SLC23A2: variants seen among roughly 807,000 people sequenced by gnomAD.
The protein encoded by SLC23A2 is Na(+)/L-ascorbic acid transporter 2.
In SLC23A2, 36 loss-of-function variants were observed where a neutral mutation model predicts 73.3. The observed-to-expected ratio is 0.49, with a 90% CI of 0.38 to 0.65. SLC23A2 has a LOEUF of 0.65. SLC23A2 is among the 30% of genes least tolerant of loss of function. The probability of loss-of-function intolerance (pLI) is 0.00; values close to 1 mark genes in which losing one functional copy is unlikely to be tolerated. For missense variants in SLC23A2, 507 were observed against 841.6 expected, an observed-to-expected ratio of 0.60 and a Z score of 4.92; for synonymous variants, 343 against 327.3, an observed-to-expected ratio of 1.05 and a Z score of -0.52.
At chr20:4,895,982 G>C (rs1475389932) in intron 6 of SLC23A2, among the ~76,000 whole-genome samples, 1 of 152,206 alleles carries the variant, frequency 6.6e-6, no homozygotes, top group East Asian at 1.9e-4. Flanking sequence ...CCTGAGGCAA[G>C]GCTGTGAGAG....
intron 1 of SLC23A2, among the ~76,000 whole-genome samples, chr20:4,971,974 C>G (rs1217901606): frequency 6.6e-6 from 1 of 152,198 alleles, no homozygotes; most frequent in African/African-American, 2.4e-5. Context: ...CGGTCACATT[C>G]TGTTTCTCAA....
chr20:4,985,470 C>A (rs2087809229), intron 1 of SLC23A2, among the ~76,000 whole-genome samples: 1 of 147,870 alleles, frequency 6.8e-6, no homozygotes, highest in Admixed American at 6.8e-5. Context: ...TTTTTTGAGA[C>A]AGGGTCTCGC....
At chr20:4,912,414 T>C (rs1932188469) in intron 4 of SLC23A2, among the ~76,000 whole-genome samples, 1 of 152,122 alleles carries the variant, frequency 6.6e-6, no homozygotes, top group Non-Finnish European at 1.5e-5. Flanking sequence ...ACAGGCACGA[T>C]GCTAATAACT....
chr20:4,997,328 T>C (rs1278190837), intron 1 of SLC23A2, among the ~76,000 whole-genome samples: 1 of 152,140 alleles, frequency 6.6e-6, no homozygotes, highest in Non-Finnish European at 1.5e-5. Context: ...CTGACCCCCA[T>C]GGTTTCTCTG....
chr20:4,888,553 AG>A (rs1931194160), intron 6 of SLC23A2, among the ~76,000 whole-genome samples: 1 of 152,202 alleles, frequency 6.6e-6, no homozygotes, highest in African/African-American at 2.4e-5. Context: ...TCAGGACAGC[AG>A]GAGAACCTAA....
intron 1 of SLC23A2, among the ~76,000 whole-genome samples, chr20:4,990,985 A>AC (rs1303297598): frequency 1.3e-4 from 19 of 151,810 alleles, no homozygotes; most frequent in Non-Finnish European, 2.4e-4. Flanking sequence ...AAAAAAAAAA[A>AC]AAAAAACAAC....
intron 2 of SLC23A2, among the ~76,000 whole-genome samples, chr20:4,961,253 T>C (rs909520628): frequency 1.3e-5 from 2 of 152,106 alleles, no homozygotes; most frequent in African/African-American, 4.8e-5. Context: ...AGCTAATTTT[T>C]TGTATTTTTA....
At position 4,902,512 on chromosome 20, in the gene SLC23A2, T is replaced by G; in HGVS notation, c.254A>C (p.Gln85Pro). 1 of 1,613,232 alleles carries G rather than the reference T, an allele frequency of 6.2e-7. No individual in the cohort carries two copies. Among genetic ancestry groups the G allele is most frequent in the African/African-American group, 1.3e-5 (1 of 74,976 alleles). ...TLDSTGSLDP[Q>P]RSDMIYTIED... ...TATGGTATAAATCATGTCTGATCGC[T>G]GGGGGTCCAGACTGCCAGTGCTATC... The change falls in exon 5 of 17, where the codon CAG becomes CCG. Residue 85 changes from glutamine to proline, a missense_variant. Physicochemically the swap from Gln to Pro is moderately conservative, Grantham distance 76 (BLOSUM62 -1). Around this residue, in one of 5 missense-constraint regions of SLC23A2, gnomAD observed 78 missense variants for 86.7 expected, o/e 0.90. Transcript: ENST00000338244. The surrounding 1 kb of genome is among the most constrained non-coding windows in gnomAD (Gnocchi z 4.0).
intron 6 of SLC23A2, among the ~76,000 whole-genome samples, chr20:4,894,718 G>A (rs184149140): frequency 6.6e-5 from 10 of 152,040 alleles, no homozygotes; most frequent in South Asian, 2.1e-4. Flanking sequence ...CCTCCCTTTC[G>A]TCTGCAAAGA....
intron 2 of SLC23A2, among the ~76,000 whole-genome samples, chr20:4,965,413 C>T (rs1486091621): frequency 6.6e-6 from 1 of 152,134 alleles, no homozygotes; most frequent in Non-Finnish European, 1.5e-5. Flanking sequence ...CTTCACATTT[C>T]CTAGATCTTC....
intron 2 of SLC23A2, among the ~76,000 whole-genome samples, chr20:4,951,922 G>C (rs1045775180): frequency 3.3e-5 from 5 of 151,856 alleles, no homozygotes; most frequent in African/African-American, 1.2e-4. Flanking sequence ...GGCCAACACA[G>C]TGAAATCCCA....
At chr20:4,995,299 C>A (rs1020018879) in intron 1 of SLC23A2, among the ~76,000 whole-genome samples, 4 of 152,096 alleles carry the variant, frequency 2.6e-5, no homozygotes, top group African/African-American at 9.7e-5. Flanking sequence ...GCAAACAAGG[C>A]AGGAGCAAGA....
intron 6 of SLC23A2, among the ~76,000 whole-genome samples, chr20:4,891,451 C>A (rs574938229): frequency 2.0e-5 from 3 of 152,208 alleles, no homozygotes; most frequent in East Asian, 1.9e-4. Context: ...TTGGCTGAGG[C>A]AAGAGGGTCT....
Position 4,885,814 on chromosome 20 carries a change from C to CA in SLC23A2, c.571+6dup. The CA allele has an allele frequency of 4.4e-6, 7 of 1,597,008 alleles. No homozygotes were observed. The highest frequency in any genetic ancestry group is 5.2e-6 in the Non-Finnish European group (6 of 1,164,496). Reference sequence around the variant, plus strand: ...CCAATGACATATGTGGAAATAACTGCAATTACCTGTGGTGTTACATTTCCA... The same window carrying CA: ...CCAATGACATATGTGGAAATAACTGCAAATTACCTGTGGTGTTACATTTCCA... On this transcript the variant is annotated splice_region_variant and intron_variant, in intron 7 of 16. Transcript: ENST00000338244.
At chr20:5,009,573 G>A (rs564706760) in intron 1 of SLC23A2, among the ~76,000 whole-genome samples, 9 of 152,130 alleles carry the variant, frequency 5.9e-5, no homozygotes, top group South Asian at 2.1e-4. Flanking sequence ...AGCTCCTCAC[G>A]TGGTGCCTAC....
At position 4,899,545 on chromosome 20, in the gene SLC23A2, C is replaced by T. The variant is rs202059859; in HGVS notation, c.482+10G>A. ...GGCTTTGGCATCCCCCATTAGTACC[C>T]CAATCTCACCTGCATCCAAACGTTG... is the stretch of plus-strand genomic sequence containing the variant. On this transcript the variant is annotated intron_variant, in intron 6 of 16. Coordinates refer to ENST00000338244, the MANE Select transcript of SLC23A2 (RefSeq NM_005116.6). The surrounding 1 kb of genome is among the most constrained non-coding windows in gnomAD (Gnocchi z 4.9). 2.3e-3 allele frequency: 3,633 copies of T among 1,613,944 alleles called. 13 individuals carry two copies. The highest frequency in any genetic ancestry group is 2.6e-3 in the Non-Finnish European group (3,080 of 1,179,904).
chr20:4,972,272 G>A (rs1472666712), intron 1 of SLC23A2, among the ~76,000 whole-genome samples: 1 of 151,734 alleles, frequency 6.6e-6, no homozygotes, highest in Non-Finnish European at 1.5e-5. Context: ...ATCAACAATC[G>A]CCAACGGCCC....
chr20:4,889,199 C>T (rs1312301105), intron 6 of SLC23A2, among the ~76,000 whole-genome samples: 1 of 152,060 alleles, frequency 6.6e-6, no homozygotes, highest in Non-Finnish European at 1.5e-5. Context: ...GTCGCTTGAG[C>T]GAGTCTTAAA....
rs74855205 is a variant in SLC23A2, at chr20:4,867,678, C to T, written c.1356+92G>A. ...AGAAGTAATTTTTTAGAACCAGAGG[C>T]CCGCCCATTTGGAACTTGCAGTGGC... On this transcript the variant is annotated intron_variant, in intron 13 of 16. Coordinates refer to ENST00000338244, the MANE Select transcript of SLC23A2 (RefSeq NM_005116.6). 4.4e-3 allele frequency: 2,534 copies of T among 575,824 alleles called. 52 individuals are homozygous for T. The highest frequency in any genetic ancestry group is 0.04 in the African/African-American group (2,027 of 50,384). 35.7% of individuals were successfully genotyped at this position (575,824 alleles called of 1,614,324 possible).
Sources: allele counts gnomAD v4.1 joint callset (sites outside exome capture counted in the v4.1 genomes callset), GRCh38; gene constraint gnomAD v4.1.1; regional missense constraint gnomAD v4.1.1; non-coding constraint Gnocchi (gnomAD v3.1); transcripts MANE v1.5; gene names NCBI Gene and HGNC (gene_info 2026-07-23, HGNC 2026-07-21).